The following GIGYF2 variants were observed in gnomAD, a reference collection of about 807,000 sequenced individuals.
GIGYF2 encodes the protein GRB10-interacting GYF protein 2.
GIGYF2 carries 25 observed loss-of-function variants against 208.1 expected under a neutral mutation model. The ratio of observed to expected loss-of-function variants is 0.12; its 90% CI spans 0.09 to 0.17. GIGYF2 has a LOEUF of 0.17. Among genes scored for constraint, GIGYF2 ranks in the 10% least tolerant of loss-of-function variants. The pLI is 1.00. For synonymous variants in GIGYF2, 534 were observed against 543.8 expected, an observed-to-expected ratio of 0.98 and a Z score of 0.25; for missense variants, 1,302 against 1,579.4, an observed-to-expected ratio of 0.82 and a Z score of 2.98.
intron 2 of GIGYF2, among the ~76,000 whole-genome samples, chr2:232,712,786 A>G (rs191086843): frequency 2.8e-4 from 42 of 152,338 alleles, no homozygotes; most frequent in African/African-American, 9.1e-4. Flanking sequence ...TCAATGTTAC[A>G]TTTATGTATG....
rs911254484 is a variant in GIGYF2, at chr2:232,859,236, C to G, written c.*2376C>G. 1.3e-5 allele frequency: 2 copies of G among 152,188 alleles called. No individual in the cohort carries two copies. The highest frequency in any genetic ancestry group is 4.8e-5 in the African/African-American group (2 of 41,438). The allele number at this position is 152,188 out of a possible 1,614,324, so 9.4% of individuals were successfully genotyped here. A position where few individuals can be genotyped will look rare whatever the true frequency, so the allele number is the denominator to read the frequency against. On this transcript the variant is annotated 3_prime_UTR_variant, in exon 29 of 29. Transcript: ENST00000373563. Reference sequence around the variant, plus strand: ...CATTCTATGAACTTATTTCCAAATTCTCCTAACTATTCCTGAGTTTTGAAG... The same window carrying G: ...CATTCTATGAACTTATTTCCAAATTGTCCTAACTATTCCTGAGTTTTGAAG...
intron 3 of GIGYF2, among the ~76,000 whole-genome samples, chr2:232,744,696 T>C (rs1018392163): frequency 3.3e-5 from 5 of 152,028 alleles, no homozygotes; most frequent in Non-Finnish European, 7.4e-5. Context: ...CATACCTGGC[T>C]AATTTTTGTA....
chr2:232,782,689 C>T (rs1459400021), intron 8 of GIGYF2: 1 of 152,154 alleles, frequency 6.6e-6, no homozygotes, highest in African/African-American at 2.4e-5. Context: ...AGCACATACA[C>T]TAAAATTGGA....
chr2:232,771,217 A>G lies in GIGYF2; in HGVS notation c.532+9781A>G, dbSNP rs771136440. ...CATCATCCAACGCCAGCGCATGTCC[A>G]TTAGGATTCCCCAAGCATCTCGAAG... is the stretch of plus-strand genomic sequence containing the variant. On this transcript the variant is annotated intron_variant, in intron 8 of 28. Transcript: ENST00000373563. 5.0e-6 allele frequency: 8 copies of G among 1,612,240 alleles called. No individual in the cohort carries two copies. The highest frequency in any genetic ancestry group is 1.7e-4 in the Middle Eastern group (1 of 6,054).
Position 232,791,004 on chromosome 2 carries a change from A to T in GIGYF2, c.931-4A>T. 1.2e-6 allele frequency: 2 copies of T among 1,613,720 alleles called. No homozygotes were observed. Among genetic ancestry groups the T allele is most frequent in the Non-Finnish European group, 1.7e-6 (2 of 1,179,694 alleles). Reference sequence around the variant, plus strand: ...TGATCTTTGGTTTTATTCTCTTTCTACAGAAAGTACAGAAAGAGCCTATTC... The same window carrying T: ...TGATCTTTGGTTTTATTCTCTTTCTTCAGAAAGTACAGAAAGAGCCTATTC... On this transcript the variant is annotated splice_region_variant and splice_polypyrimidine_tract_variant and intron_variant, in intron 10 of 28. Transcript: ENST00000373563.
intron 26 of GIGYF2, among the ~76,000 whole-genome samples, chr2:232,846,687 C>G (rs1380723910): frequency 6.6e-6 from 1 of 152,222 alleles, no homozygotes; most frequent in Non-Finnish European, 1.5e-5. Flanking sequence ...GCTAGGCACT[C>G]TCTTGGAGTT....
intron 2 of GIGYF2, among the ~76,000 whole-genome samples, chr2:232,733,635 G>A (rs73995896): frequency 6.6e-6 from 1 of 152,122 alleles, no homozygotes; most frequent in Non-Finnish European, 1.5e-5. Context: ...TTGTCCCTCA[G>A]TATCCATGGG....
intron 2 of GIGYF2, among the ~76,000 whole-genome samples, chr2:232,734,187 C>G (rs1697632065): frequency 6.7e-6 from 1 of 148,832 alleles, no homozygotes; most frequent in East Asian, 2.0e-4. Context: ...TGGGCCCAAG[C>G]CGTCTGCCTG....
intron 8 of GIGYF2, among the ~76,000 whole-genome samples, chr2:232,762,487 G>A (rs1010246292): frequency 5.9e-5 from 9 of 151,760 alleles, no homozygotes; most frequent in Admixed American, 2.0e-4. Context: ...TCCTGACCTC[G>A]TGATCCACCC....
At chr2:232,786,878 T>C (rs909061906) in intron 8 of GIGYF2, among the ~76,000 whole-genome samples, 1 of 152,086 alleles carries the variant, frequency 6.6e-6, no homozygotes, top group African/African-American at 2.4e-5. Context: ...ACTCTGAGGG[T>C]CTTGTGTAGG....
chr2:232,710,692 C>CTTTTT (rs35154227), intron 2 of GIGYF2, among the ~76,000 whole-genome samples: 7 of 113,938 alleles, frequency 6.1e-5, no homozygotes, highest in Non-Finnish European at 9.0e-5. Flanking sequence ...TCTTGGTGTT[C>CTTTTT]TTTTTTTTTT....
intron 6 of GIGYF2, 70 bp from the exon 7 acceptor site, chr2:232,760,410 A>G: frequency 1.0e-6 from 1 of 970,122 alleles, no homozygotes; most frequent in African/African-American, 1.6e-5. Context: ...TTAGATATTA[A>G]TTTATGGTGG....
At chr2:232,706,350 A>G (rs771182606) in intron 2 of GIGYF2, among the ~76,000 whole-genome samples, 3 of 152,196 alleles carry the variant, frequency 2.0e-5, no homozygotes, top group Non-Finnish European at 4.4e-5. Flanking sequence ...ATTTGTGTAA[A>G]ATTGTCATGG....
At position 232,795,306 on chromosome 2, in the gene GIGYF2, C is replaced by T. The variant is rs186970476; in HGVS notation, c.1479+362C>T. On this transcript the variant is annotated intron_variant, in intron 13 of 28. Coordinates refer to ENST00000373563, the MANE Select transcript of GIGYF2 (RefSeq NM_001103146.3). Reference sequence around the variant, plus strand: ...AAGTATAACAGGGAAAATAGTTAAACTTTCAGAGCATTAACATCTTATTCA... The same window carrying T: ...AAGTATAACAGGGAAAATAGTTAAATTTTCAGAGCATTAACATCTTATTCA... Among the ~76,000 whole-genome samples, 438 of 152,238 alleles carry T rather than the reference C, an allele frequency of 2.9e-3. 3 individuals carry two copies. The highest frequency in any genetic ancestry group is 3.0e-3 in the Non-Finnish European group (201 of 68,010).
chr2:232,769,324 A>G (rs1485225659), intron 8 of GIGYF2, among the ~76,000 whole-genome samples: 2 of 151,956 alleles, frequency 1.3e-5, no homozygotes, highest in African/African-American at 4.8e-5. Flanking sequence ...TGAGGTCAGG[A>G]GTTTGAGACC....
chr2:232,784,048 C>T (rs1699814970), intron 8 of GIGYF2, among the ~76,000 whole-genome samples: 1 of 152,158 alleles, frequency 6.6e-6, no homozygotes, highest in African/African-American at 2.4e-5. Flanking sequence ...GTAACAATTA[C>T]ATACAAGGAT....
At chr2:232,781,205 C>T (rs926860431) in intron 8 of GIGYF2, among the ~76,000 whole-genome samples, 34 of 151,828 alleles carry the variant, frequency 2.2e-4, no homozygotes, top group East Asian at 3.9e-4. Flanking sequence ...GTGATCTGCC[C>T]GCCTCGGCCT....
chr2:232,732,906 A>G (rs1697566563), intron 2 of GIGYF2, among the ~76,000 whole-genome samples: 1 of 152,046 alleles, frequency 6.6e-6, no homozygotes, highest in African/African-American at 2.4e-5. Flanking sequence ...CTGGGATTAC[A>G]GGTATGAGCC....
intron 6 of GIGYF2, among the ~76,000 whole-genome samples, chr2:232,758,788 C>T (rs1698638318): frequency 6.6e-6 from 1 of 152,186 alleles, no homozygotes. Flanking sequence ...TAAGGGCCTT[C>T]CTGAGCAAAT....
Sources: gnomAD v4.1 joint callset for allele counts (sites outside exome capture counted in the v4.1 genomes callset) on GRCh38, gnomAD v4.1.1 for gene constraint, MANE v1.5 for transcripts, NCBI Gene and HGNC (gene_info 2026-07-23, HGNC 2026-07-21) for gene names.